The following CD200 variants were observed in gnomAD, a reference collection of about 807,000 sequenced individuals.
The protein encoded by CD200 is OX-2 membrane glycoprotein.
CD200 carries 15 observed loss-of-function variants against 30.9 expected under a neutral mutation model. The observed-to-expected ratio is 0.49, with a 90% CI of 0.32 to 0.75. CD200 has a LOEUF of 0.75. Among genes scored for constraint, CD200 ranks in the 30% least tolerant of loss-of-function variants. CD200 has a pLI of 0.03. For missense variants in CD200, 262 were observed against 324.2 expected (o/e 0.81, Z 1.47); for synonymous variants, 134 against 126.2 (o/e 1.06, Z -0.41).
chr3:112,337,994 CTG>C (rs2081156638), intron 1 of CD200, among the ~76,000 whole-genome samples: 1 of 152,090 alleles, frequency 6.6e-6, no homozygotes, highest in Non-Finnish European at 1.5e-5. Context: ...TGACAAAAAT[CTG>C]TGTTTGTTCA....
At chr3:112,353,759 T>TG in intron 5 of CD200, among the ~76,000 whole-genome samples, 1 of 152,160 alleles carries the variant, frequency 6.6e-6, no homozygotes, top group Non-Finnish European at 1.5e-5. Context: ...AAAGGCTGTA[T>TG]GAATGGGTAG....
intron 1 of CD200, chr3:112,335,774 G>T (rs559721285): frequency 1.6e-6 from 1 of 644,194 alleles, no homozygotes; most frequent in East Asian, 2.8e-5. Context: ...TGCTGAAGAA[G>T]AGCCCTTTTC....
At chr3:112,336,396 A>C (rs892994309) in intron 1 of CD200, among the ~76,000 whole-genome samples, 2 of 152,146 alleles carry the variant, frequency 1.3e-5, no homozygotes, top group African/African-American at 4.8e-5. Context: ...ACAAGACAAT[A>C]AAAATCCCAG....
At chr3:112,333,285 CT>C in intron 1 of CD200, 61 bp downstream of exon 1, 1 of 1,521,546 alleles carries the variant, frequency 6.6e-7, no homozygotes, top group Admixed American at 2.1e-5. Flanking sequence ...GCCGGTGGCC[CT>C]GGGGCGGGCG....
At chr3:112,352,310 A>T (rs1243923365) in intron 5 of CD200, among the ~76,000 whole-genome samples, 2 of 152,200 alleles carry the variant, frequency 1.3e-5, no homozygotes, top group Non-Finnish European at 2.9e-5. Context: ...TACCATTAAC[A>T]AATTCTGATT....
intron 1 of CD200, among the ~76,000 whole-genome samples, chr3:112,336,582 G>C (rs2081122379): frequency 6.6e-6 from 1 of 151,772 alleles, no homozygotes; most frequent in African/African-American, 2.4e-5. Context: ...CAATGATCCT[G>C]ACCCTAAAGC....
At chr3:112,340,426 CA>C (rs1352058448) in intron 1 of CD200, among the ~76,000 whole-genome samples, 1 of 152,200 alleles carries the variant, frequency 6.6e-6, no homozygotes, top group East Asian at 1.9e-4. Flanking sequence ...GTAAGACTTG[CA>C]GAATTAAAAT....
At chr3:112,340,579 T>G (rs566077818) in intron 1 of CD200, among the ~76,000 whole-genome samples, 22 of 152,176 alleles carry the variant, frequency 1.4e-4, no homozygotes, top group South Asian at 4.1e-4. Context: ...TTTTCTGTAT[T>G]TATTTAAGCC....
Position 112,345,629 on chromosome 3 carries a change from C to T in CD200, c.421+341C>T, listed in dbSNP as rs78923604. Among the ~76,000 whole-genome samples the T allele has an allele frequency of 9.9e-4, 151 of 152,346 alleles. 2 individuals are homozygous for T. In the East Asian group the frequency reaches 0.017, roughly 17 times the overall value. ...TGCGACCCTAGAAGGGTCCTATCCA[C>T]TCTCCACTGGAGTTTCATTGTCTGG... is the stretch of plus-strand genomic sequence containing the variant. On this transcript the variant is annotated intron_variant, in intron 3 of 5. Transcript: ENST00000315711.
At position 112,333,539 on chromosome 3, in the gene CD200, C is replaced by A. The variant is rs1013840422; in HGVS notation, c.12+315C>A. On this transcript the variant is annotated intron_variant, in intron 1 of 5. Transcript: ENST00000315711. ...ATCCGCGCTGACGAAGCTGGCGCAT[C>A]CTCCGGGCAGGCTCGGCTCGGCTCA... The A allele has an allele frequency of 2.3e-5, 23 of 985,316 alleles. No homozygotes were observed. In the African/African-American group the frequency reaches 3.8e-4, roughly 16 times the overall value. 61.0% of individuals were successfully genotyped at this position (985,316 alleles called of 1,614,324 possible).
At chr3:112,357,120 G>A (rs1446994280) in intron 5 of CD200, among the ~76,000 whole-genome samples, 2 of 152,024 alleles carry the variant, frequency 1.3e-5, no homozygotes, top group Non-Finnish European at 2.9e-5. Context: ...AATTAGCCGG[G>A]CGTGATGGTG....
intron 4 of CD200, among the ~76,000 whole-genome samples, chr3:112,349,500 C>T (rs75809994): frequency 5.3e-5 from 8 of 151,934 alleles, no homozygotes; most frequent in Non-Finnish European, 8.8e-5. Context: ...GGATTAAATG[C>T]GATAAGTTTA....
chr3:112,361,118 C>T (rs1433173643), intron 5 of CD200, among the ~76,000 whole-genome samples: 1 of 152,150 alleles, frequency 6.6e-6, no homozygotes, highest in African/African-American at 2.4e-5. Flanking sequence ...CTCACTGCAG[C>T]CCCAATCTCC....
chr3:112,350,446 CA>C (rs1329154171), intron 5 of CD200, among the ~76,000 whole-genome samples: 1 of 151,988 alleles, frequency 6.6e-6, no homozygotes, highest in Non-Finnish European at 1.5e-5. Flanking sequence ...GATTTTTTTT[CA>C]ATTCCTTTTC....
At chr3:112,344,156 A>G (rs2081331060) in intron 2 of CD200, among the ~76,000 whole-genome samples, 1 of 152,136 alleles carries the variant, frequency 6.6e-6, no homozygotes, top group East Asian at 1.9e-4. Flanking sequence ...ATGTCAAAGT[A>G]TTTATTGTCT....
intron 5 of CD200, among the ~76,000 whole-genome samples, chr3:112,351,502 T>C (rs766869932): frequency 6.6e-6 from 1 of 152,192 alleles, no homozygotes; most frequent in Non-Finnish European, 1.5e-5. Context: ...GGAAATATAG[T>C]CATTCAATGC....
chr3:112,342,603 A>G (rs1028318826), intron 2 of CD200, among the ~76,000 whole-genome samples: 45 of 151,728 alleles, frequency 3.0e-4, no homozygotes, highest in African/African-American at 1.1e-3. Context: ...TTGTATTTTT[A>G]GTAGAAACAG....
chr3:112,345,020 CT>C lies in CD200; in HGVS notation c.154del (p.Ser52LeufsTer11). ...TGTACACACCTGCTTCCTTAAAATG[CT>C]CTCTGCAAAATGCCCAGGAAGCCCT... ...QLYTPASLKC[S>X]LQNAQEALIV... On this transcript the variant is annotated frameshift_variant, in exon 3 of 6. Transcript: ENST00000315711. LOFTEE classifies it high-confidence loss of function. The C allele has an allele frequency of 6.2e-7, 1 of 1,614,034 alleles. No homozygotes were observed. The highest frequency in any genetic ancestry group is 1.3e-5 in the African/African-American group (1 of 75,036).
chr3:112,340,043 T>C (rs2081202796), intron 1 of CD200, among the ~76,000 whole-genome samples: 1 of 152,178 alleles, frequency 6.6e-6, no homozygotes, highest in Non-Finnish European at 1.5e-5. Context: ...TTATCTCCAG[T>C]TGGAATAGTA....
Sources: gnomAD v4.1 joint callset for allele counts (sites outside exome capture counted in the v4.1 genomes callset) on GRCh38, gnomAD v4.1.1 for gene constraint, MANE v1.5 for transcripts, NCBI Gene and HGNC (gene_info 2026-07-23, HGNC 2026-07-21) for gene names.